Variants in PPP1R12C observed in about 807,000 individuals in gnomAD.
PPP1R12C encodes the protein protein phosphatase 1 regulatory subunit 12C.
A neutral mutation model predicts 95.6 loss-of-function variants in PPP1R12C; 48 were observed. The observed-to-expected ratio is 0.50, with a 90% CI of 0.40 to 0.64. The LOEUF is 0.64. PPP1R12C is among the 30% of genes least tolerant of loss of function. The pLI is 0.00. For synonymous variants in PPP1R12C, 480 were observed against 460.8 expected, an observed-to-expected ratio of 1.04 and a Z score of -0.53; for missense variants, 1,057 against 1,083.3, an observed-to-expected ratio of 0.98 and a Z score of 0.34.
rs753721742 is a variant in PPP1R12C at position 55,093,024 on chromosome 19, G to A, written c.1817C>T (p.Ala606Val). The part of the protein sequence containing the change: ...VPGVENSDSP[A>V]QRAEAPDGQG... The stretch of plus-strand genomic sequence containing the variant: ...CCGAGAGCAGACCTCACCTCTCTGG[G>A]CAGGGCTGTCAGAGTTCTCCACTCC... The change falls in exon 15 of 22, where the codon GCC becomes GTC. Residue 606 changes from alanine (A) to valine (V), a missense_variant. Transcript: ENST00000263433. The A allele has an allele frequency of 1.3e-5, 21 of 1,582,800 alleles. No individual in the cohort carries two copies. In the Admixed American group the frequency reaches 3.5e-4, roughly 26 times the overall value.
At chr19:55,106,604 CT>C (rs2085041282) in intron 3 of PPP1R12C, among the ~76,000 whole-genome samples, 1 of 152,248 alleles carries the variant, frequency 6.6e-6, no homozygotes, top group South Asian at 2.1e-4. Flanking sequence ...ATCATGTCTT[CT>C]TCCTGCCAGT....
In PPP1R12C at chr19:55,092,539, A is replaced by G. The variant is rs768117989; in HGVS notation, c.1958T>C (p.Leu653Pro). The G allele has an allele frequency of 3.1e-6, 5 of 1,602,030 alleles. No homozygotes were observed. Among genetic ancestry groups the G allele is most frequent in the Non-Finnish European group, 4.3e-6 (5 of 1,175,030 alleles). ...CCTGCGGGCCGAGGGGCCGCCCTCC[A>G]GGGTGCTGGGGCAGGGGAGGAGCGC... Reference protein sequence around the residue: ...PADRSQESSTLEGGPSARRQR... With the variant: ...PADRSQESSTPEGGPSARRQR... The change falls in exon 18 of 22, where the codon CTG becomes CCG. Residue 653 changes from leucine (L) to proline (P), a missense_variant. Transcript: ENST00000263433.
intron 1 of PPP1R12C, 128 bp from the exon 2 acceptor site, chr19:55,112,923 A>T (rs2085114120): frequency 1.5e-6 from 2 of 1,340,024 alleles, no homozygotes; most frequent in Admixed American, 4.1e-5. Context: ...AAAATGACCC[A>T]ACAGCCTCTG....
At chr19:55,096,224 A>G in intron 7 of PPP1R12C, 38 bp downstream of exon 7, 1 of 1,613,280 alleles carries the variant, frequency 6.2e-7, no homozygotes, top group Non-Finnish European at 8.5e-7. Flanking sequence ...CGGGGCCTCC[A>G]GCCACCCCGC....
rs762072924 is a variant in PPP1R12C, at chr19:55,112,829, C to T, written c.322-34G>A. ...GGGAAACAGCCGTCAGCCGCACCTACCCCAGCCACGGTGTCCCAGCAAGTC... is the reference window on the plus strand; with the variant it reads ...GGGAAACAGCCGTCAGCCGCACCTATCCCAGCCACGGTGTCCCAGCAAGTC... On this transcript the variant is annotated intron_variant, in intron 1 of 21. Coordinates refer to ENST00000263433, the MANE Select transcript of PPP1R12C (RefSeq NM_017607.4). The T allele has an allele frequency of 1.5e-5, 24 of 1,607,978 alleles. No homozygotes were observed. The South Asian group carries it at 2.1e-4, about 14-fold the overall frequency.
In PPP1R12C at chr19:55,109,442, T is replaced by C. The variant is rs1281099999; in HGVS notation, c.571+3025A>G. On this transcript the variant is annotated intron_variant, in intron 3 of 21. Transcript: ENST00000263433. This position sits in a 1 kb window ranked among gnomAD's most constrained non-coding sequence, Gnocchi z 4.4. ...CTGAGCCAGGAGGAACGGGTTTTGG[T>C]TCTTGCAAAGAGTCATGCCCGATTC... Among the ~76,000 whole-genome samples, 2 of 152,206 alleles carry C rather than the reference T, an allele frequency of 1.3e-5. No individual in the cohort carries two copies. The highest frequency in any genetic ancestry group is 2.9e-5 in the Non-Finnish European group (2 of 68,018).
chr19:55,095,278 C>T lies in PPP1R12C; in HGVS notation c.1454+13G>A. Reference sequence around the variant, plus strand: ...CCACCCACCCCTGAGGGGCCCAGGCCCTGGGGACTCACAGGACAGAGGGCT... The same window carrying T: ...CCACCCACCCCTGAGGGGCCCAGGCTCTGGGGACTCACAGGACAGAGGGCT... On this transcript the variant is annotated intron_variant, in intron 11 of 21. Coordinates refer to ENST00000263433, the MANE Select transcript of PPP1R12C (RefSeq NM_017607.4). 6.4e-7 allele frequency: 1 copy of T among 1,564,062 alleles called. No individual in the cohort carries two copies. Among genetic ancestry groups the T allele is most frequent in the Non-Finnish European group, 8.7e-7 (1 of 1,154,438 alleles).
chr19:55,094,972 T>C, intron 11 of PPP1R12C, 174 bp from the exon 12 acceptor site: 1 of 797,138 alleles, frequency 1.3e-6, no homozygotes. Context: ...ACGCAACCGG[T>C]CAGAAGGATA....
At chr19:55,112,828 AC>A in intron 1 of PPP1R12C, 33 bp from the exon 2 acceptor site, 1 of 1,606,032 alleles carries the variant, frequency 6.2e-7, no homozygotes. Flanking sequence ...AGCCGCACCT[AC>A]CCCAGCCACG....
intron 1 of PPP1R12C, 76 bp from the exon 2 acceptor site, chr19:55,112,871 C>T: frequency 5.1e-6 from 8 of 1,577,590 alleles, no homozygotes; most frequent in Non-Finnish European, 6.0e-6. Context: ...CCAGAGGGAG[C>T]CACGAAAACA....
intron 16 of PPP1R12C, 43 bp downstream of exon 16, chr19:55,092,728 TGCCCGCCCCCCG>T: frequency 1.3e-6 from 2 of 1,532,108 alleles, no homozygotes; most frequent in African/African-American, 1.4e-5. Context: ...GGAAGGGCTT[TGCCCGCCCCCCG>T]GCCCACCCTC....
chr19:55,092,375 G>A lies in PPP1R12C; in HGVS notation c.2056-49C>T, dbSNP rs201600883. The A allele has an allele frequency of 4.5e-6, 7 of 1,568,654 alleles. No individual in the cohort carries two copies. In the African/African-American group the frequency reaches 8.1e-5, roughly 18 times the overall value. On this transcript the variant is annotated intron_variant, in intron 18 of 21. Transcript: ENST00000263433. ...CAGGTGGAGGATGGGGCGATGCTGG[G>A]GGGGCGGGGAAGCCAGGAAGCTGGG...
rs1280551072 is a variant in PPP1R12C at position 55,117,623 on chromosome 19, G to C, written c.-80C>G. 1 of 886,664 alleles carries C rather than the reference G, an allele frequency of 1.1e-6. No homozygotes were observed. Among genetic ancestry groups the C allele is most frequent in the East Asian group, 1.4e-4 (1 of 7,292 alleles). 54.9% of individuals were successfully genotyped at this position (886,664 alleles called of 1,614,324 possible). A position where few individuals can be genotyped will look rare whatever the true frequency, so the allele number is the denominator to read the frequency against. On this transcript the variant is annotated 5_prime_UTR_variant, in exon 1 of 22. Coordinates refer to ENST00000263433, the MANE Select transcript of PPP1R12C (RefSeq NM_017607.4). ...CCACCCGCCCGCCCGCCCGCCCCGG[G>C]GGCCGCCGGGAACTGCCGCTGGCCC... is the stretch of plus-strand genomic sequence containing the variant.
Position 55,103,499 on chromosome 19 carries a change from T to TTCAGCCAGCACCTCGTG in PPP1R12C, c.624_640dup (p.Asn214ThrfsTer6). 6.2e-7 allele frequency: 1 copy of TTCAGCCAGCACCTCGTG among 1,604,700 alleles called. No homozygotes were observed. The highest frequency in any genetic ancestry group is 8.5e-7 in the Non-Finnish European group (1 of 1,173,462). On this transcript the variant is annotated stop_gained and frameshift_variant, in exon 4 of 22. Coordinates refer to ENST00000263433, the MANE Select transcript of PPP1R12C (RefSeq NM_017607.4). LOFTEE classifies it high-confidence loss of function. ...CCGGGCCTCTGGCATGGCGCCCCCA[T>TTCAGCCAGCACCTCGTG]TCAGCCAGCACCTCGTGTCATGAAG... is the stretch of plus-strand genomic sequence containing the variant.
chr19:55,104,954 T>G (rs1011519651), intron 3 of PPP1R12C, among the ~76,000 whole-genome samples: 1 of 151,976 alleles, frequency 6.6e-6, no homozygotes, highest in African/African-American at 2.4e-5. Flanking sequence ...GTATTTTTAA[T>G]AGAGATGGGG....
At chr19:55,098,264 G>T (rs1221724569) in intron 6 of PPP1R12C, among the ~76,000 whole-genome samples, 2 of 152,230 alleles carry the variant, frequency 1.3e-5, no homozygotes, top group Non-Finnish European at 1.5e-5. Context: ...GACAGATAAG[G>T]AAACTGAGGC....
chr19:55,112,227 A>G, intron 3 of PPP1R12C: 1 of 86,374 alleles, frequency 1.2e-5, no homozygotes, highest in Non-Finnish European at 2.1e-5. Flanking sequence ...ACTCAGGGGG[A>G]TTGACAGTCC....
chr19:55,113,790 C>G, intron 1 of PPP1R12C: 1 of 270,442 alleles, frequency 3.7e-6, no homozygotes, highest in South Asian at 1.5e-4. Flanking sequence ...GAACTCGGCT[C>G]GTTTATTTCC....
chr19:55,100,395 G>A (rs1568812317), intron 4 of PPP1R12C, among the ~76,000 whole-genome samples: 2 of 152,254 alleles, frequency 1.3e-5, no homozygotes, highest in Non-Finnish European at 2.9e-5. Context: ...ATCCTGTGAT[G>A]CATGGGACGG....
Sources: gnomAD v4.1 joint callset for allele counts (sites outside exome capture counted in the v4.1 genomes callset) on GRCh38, gnomAD v4.1.1 for gene constraint, Gnocchi (gnomAD v3.1) non-coding constraint, MANE v1.5 for transcripts, NCBI Gene and HGNC (gene_info 2026-07-23, HGNC 2026-07-21) for gene names.